SGCZ: variants seen among roughly 807,000 people sequenced by gnomAD.
The protein encoded by SGCZ is sarcoglycan zeta.
SGCZ carries 40 observed loss-of-function variants against 41.3 expected under a neutral mutation model. The observed-to-expected ratio is 0.97, with a 90% CI of 0.75 to 1.26. The LOEUF (loss-of-function observed/expected upper bound fraction) is 1.26, where lower values mean the gene tolerates loss of function less well. Among genes scored for constraint, SGCZ ranks in the 50% most tolerant of loss-of-function variants. The pLI is 0.00. For synonymous variants in SGCZ, 206 were observed against 137.5 expected (o/e 1.50, Z -3.49); for missense variants, 552 against 369.8 (o/e 1.49, Z -4.04).
chr8:14,777,309 A>G (rs893394651), intron 1 of SGCZ, among the ~76,000 whole-genome samples: 5 of 152,214 alleles, frequency 3.3e-5, no homozygotes, highest in African/African-American at 1.2e-4. Context: ...AATTACAGAT[A>G]TCATAAACGA....
chr8:14,374,283 A>AT (rs1386951333), intron 2 of SGCZ, among the ~76,000 whole-genome samples: 1 of 152,100 alleles, frequency 6.6e-6, no homozygotes, highest in Non-Finnish European at 1.5e-5. Context: ...GGAGGCTGAG[A>AT]TGGGAGGATA....
At chr8:14,652,057 C>T (rs535648385) in intron 1 of SGCZ, among the ~76,000 whole-genome samples, 16 of 151,792 alleles carry the variant, frequency 1.1e-4, no homozygotes, top group South Asian at 6.2e-4. Flanking sequence ...ATCTTTATCA[C>T]GGAAAGAATA....
intron 1 of SGCZ, among the ~76,000 whole-genome samples, chr8:15,069,173 T>A (rs986991877): frequency 7.2e-5 from 11 of 151,810 alleles, no homozygotes; most frequent in African/African-American, 2.4e-4. Flanking sequence ...AATACAGAGG[T>A]TTTTTTGGGG....
rs370557926 is a variant in SGCZ, at chr8:14,590,702, T to C, written c.40-35776A>G. ...ATATTTCCTAGTACATATATATGTA[T>C]AAACAGTATATACTATATGTACTAT... On this transcript the variant is annotated intron_variant, in intron 1 of 7. Transcript: ENST00000382080. Among the ~76,000 whole-genome samples the C allele has an allele frequency of 5.4e-5, 8 of 148,772 alleles. No individual in the cohort carries two copies. In the East Asian group the frequency reaches 1.2e-3, roughly 22 times the overall value.
At chr8:14,834,053 G>C (rs1428994830) in intron 1 of SGCZ, among the ~76,000 whole-genome samples, 5 of 152,060 alleles carry the variant, frequency 3.3e-5, no homozygotes, top group African/African-American at 9.7e-5. Context: ...AATGAAAGGA[G>C]TTACTAACAG....
chr8:14,809,810 C>G (rs980727231), intron 1 of SGCZ, among the ~76,000 whole-genome samples: 1 of 152,028 alleles, frequency 6.6e-6, no homozygotes, highest in Admixed American at 6.6e-5. Context: ...TCAACATTAG[C>G]AAGATACTGC....
chr8:14,578,643 C>G (rs1804790583), intron 1 of SGCZ, among the ~76,000 whole-genome samples: 2 of 152,252 alleles, frequency 1.3e-5, no homozygotes, highest in South Asian at 4.1e-4. Context: ...AGGGCACATT[C>G]TGAGGTCAAT....
intron 1 of SGCZ, among the ~76,000 whole-genome samples, chr8:15,157,349 C>T (rs1048747453): frequency 6.6e-6 from 1 of 151,860 alleles, no homozygotes; most frequent in African/African-American, 2.4e-5. Flanking sequence ...GCTCACACCA[C>T]TGCACACCAG....
intron 1 of SGCZ, among the ~76,000 whole-genome samples, chr8:14,802,576 G>T (rs1801357365): frequency 1.3e-5 from 2 of 152,044 alleles, no homozygotes; most frequent in South Asian, 4.1e-4. Flanking sequence ...GAATAAGATG[G>T]TCTGCATTTT....
intron 1 of SGCZ, among the ~76,000 whole-genome samples, chr8:14,915,524 A>G (rs1799408227): frequency 6.6e-6 from 1 of 152,152 alleles, no homozygotes; most frequent in African/African-American, 2.4e-5. Context: ...CATGTTCAAG[A>G]TGGCGGCCCC....
intron 1 of SGCZ, among the ~76,000 whole-genome samples, chr8:14,899,906 C>G (rs17463652): frequency 0.052 from 7,965 of 151,848 alleles, 237 homozygotes; most frequent in Non-Finnish European, 0.062. Flanking sequence ...ATTGTACCAA[C>G]AGCTAAGAGA....
intron 1 of SGCZ, among the ~76,000 whole-genome samples, chr8:14,622,311 C>A (rs1246943873): frequency 6.6e-6 from 1 of 152,096 alleles, no homozygotes; most frequent in Admixed American, 6.6e-5. Context: ...TCATTAGATG[C>A]CACAACATGG....
intron 2 of SGCZ, among the ~76,000 whole-genome samples, chr8:14,504,050 A>G (rs1802232844): frequency 1.3e-5 from 2 of 152,086 alleles, no homozygotes. Flanking sequence ...TAAAGTTATC[A>G]TTATTTTTCC....
intron 5 of SGCZ, among the ~76,000 whole-genome samples, chr8:14,148,080 AT>A (rs1803583041): frequency 6.6e-6 from 1 of 152,118 alleles, no homozygotes; most frequent in African/African-American, 2.4e-5. Flanking sequence ...CATTATAGAT[AT>A]AAGTGCCTTT....
At chr8:14,320,467 TA>T (rs1425955134) in intron 3 of SGCZ, among the ~76,000 whole-genome samples, 1 of 150,290 alleles carries the variant, frequency 6.7e-6, no homozygotes, top group Non-Finnish European at 1.5e-5. Flanking sequence ...CTATTATTAT[TA>T]TATTATTATA....
chr8:14,626,900 C>T (rs1806478896), intron 1 of SGCZ, among the ~76,000 whole-genome samples: 3 of 152,078 alleles, frequency 2.0e-5, no homozygotes, highest in Admixed American at 6.6e-5. Flanking sequence ...TAAACTGGCT[C>T]ATATTTATCT....
intron 1 of SGCZ, among the ~76,000 whole-genome samples, chr8:15,077,293 A>G (rs2131038000): frequency 6.6e-6 from 1 of 152,352 alleles, no homozygotes; most frequent in African/African-American, 2.4e-5. Context: ...AAATTGACCT[A>G]TTAACATTAA....
intron 1 of SGCZ, among the ~76,000 whole-genome samples, chr8:14,978,340 G>C (rs1801549583): frequency 6.6e-6 from 1 of 151,194 alleles, no homozygotes; most frequent in Non-Finnish European, 1.5e-5. Context: ...GTGGTGCCAT[G>C]GGTACCTGTA....
rs552705998 is a variant in SGCZ at position 14,090,366 on chromosome 8, A to C, written c.*77T>G. On this transcript the variant is annotated 3_prime_UTR_variant, in exon 8 of 8. Coordinates refer to ENST00000382080, the MANE Select transcript of SGCZ (RefSeq NM_139167.4). ...TTCGAAGAAGCTCTGGACTGATCAC[A>C]AGGGAAACCGAGCAGAACTGTGAAG... The C allele has an allele frequency of 9.3e-6, 14 of 1,499,108 alleles. No homozygotes were observed. In the East Asian group the frequency reaches 2.7e-4, roughly 29 times the overall value. The allele number at this position is 1,499,108 out of a possible 1,614,324, so 92.9% of individuals were successfully genotyped here.
Sources: allele counts gnomAD v4.1 joint callset (sites outside exome capture counted in the v4.1 genomes callset), GRCh38; gene constraint gnomAD v4.1.1; transcripts MANE v1.5; gene names NCBI Gene and HGNC (gene_info 2026-07-23, HGNC 2026-07-21).